Variants in LIN28B observed in about 807,000 individuals in gnomAD.
LIN28B encodes the protein protein lin-28 homolog B.
Under a neutral mutation model 21.9 loss-of-function variants are expected in LIN28B, and 5 were observed. The ratio of observed to expected loss-of-function variants is 0.23; its 90% CI spans 0.12 to 0.48. The LOEUF (loss-of-function observed/expected upper bound fraction) is 0.48. Among genes scored for constraint, LIN28B ranks in the 20% least tolerant of loss-of-function variants. The pLI is 0.98. For missense variants in LIN28B, 245 were observed against 310.5 expected (o/e 0.79, Z 1.58); for synonymous variants, 109 against 111.3 (o/e 0.98, Z 0.13).
chr6:104,941,289 A>G (rs1163817923), intron 2 of LIN28B: 3 of 152,130 alleles, frequency 2.0e-5, no homozygotes, highest in Non-Finnish European at 2.9e-5. Flanking sequence ...TGCTGCCGCT[A>G]AGACGCGGGC....
At chr6:105,003,430 A>G (rs1761367042) in intron 2 of LIN28B, among the ~76,000 whole-genome samples, 1 of 152,226 alleles carries the variant, frequency 6.6e-6, no homozygotes, top group African/African-American at 2.4e-5. Flanking sequence ...GAAGAACTGA[A>G]GAATAAATGG....
chr6:104,947,795 C>T (rs1778174576), intron 2 of LIN28B, among the ~76,000 whole-genome samples: 2 of 147,096 alleles, frequency 1.4e-5, no homozygotes, highest in Admixed American at 6.8e-5. Flanking sequence ...TTTATAAAAG[C>T]CAACCTAGGA....
chr6:104,992,507 TGTGTG>T (rs1562084906), intron 2 of LIN28B, among the ~76,000 whole-genome samples: 10 of 112,786 alleles, frequency 8.9e-5, no homozygotes, highest in African/African-American at 2.9e-4. Context: ...TGTGTGTGTG[TGTGTG>T]TGTTTTTTTT....
In LIN28B at chr6:105,078,689, G is replaced by A; in HGVS notation, c.659G>A (p.Arg220Lys). 3.7e-6 allele frequency: 6 copies of A among 1,614,090 alleles called. No individual in the cohort carries two copies. The highest frequency in any genetic ancestry group is 4.2e-6 in the Non-Finnish European group (5 of 1,180,012). ...GCAGAGATCTCAGAACGGTCAGGCA[G>A]GTCACCTCAAGAAGCTTCCTCCACG... The part of the protein sequence containing the change: ...ARAEISERSG[R>K]SPQEASSTKS... Residue 220 changes from arginine to lysine, a missense_variant, in exon 4 of 4, where the codon AGG becomes AAG. Coordinates refer to ENST00000345080, the MANE Select transcript of LIN28B (RefSeq NM_001004317.4).
intron 3 of LIN28B, among the ~76,000 whole-genome samples, chr6:105,065,783 C>A (rs1772208176): frequency 6.6e-6 from 1 of 152,124 alleles, no homozygotes; most frequent in Non-Finnish European, 1.5e-5. Context: ...AGACCACTGG[C>A]CCTCTATAAA....
chr6:105,026,167 G>C, intron 2 of LIN28B, 131 bp from the exon 3 acceptor site: 1 of 486,652 alleles, frequency 2.1e-6, no homozygotes, highest in Non-Finnish European at 3.5e-6. Flanking sequence ...ATGTTTCACT[G>C]AACTTAAGAC....
chr6:105,052,348 T>A (rs900929428), intron 3 of LIN28B, among the ~76,000 whole-genome samples: 2 of 152,000 alleles, frequency 1.3e-5, no homozygotes. Context: ...ATGAAAAAAA[T>A]TTTTATTGGC....
At chr6:105,027,986 T>C (rs995096667) in intron 3 of LIN28B, among the ~76,000 whole-genome samples, 3 of 152,164 alleles carry the variant, frequency 2.0e-5, no homozygotes, top group Non-Finnish European at 2.9e-5. Context: ...AGTCCATGAA[T>C]GTGTGTGAAA....
intron 2 of LIN28B, among the ~76,000 whole-genome samples, chr6:105,017,346 G>C (rs1771051070): frequency 6.6e-6 from 1 of 152,154 alleles, no homozygotes; most frequent in Non-Finnish European, 1.5e-5. Context: ...TTACTGAATA[G>C]ATTCTCCATA....
intron 2 of LIN28B, among the ~76,000 whole-genome samples, chr6:104,997,748 G>C (rs1770642254): frequency 6.6e-6 from 1 of 152,138 alleles, no homozygotes; most frequent in African/African-American, 2.4e-5. Flanking sequence ...CACATGGCCG[G>C]GTTCATATCC....
chr6:104,958,161 T>A lies in LIN28B; in HGVS notation c.73T>A (p.Ser25Thr). ...GKLPEPAEEESQVLRGTGHCK... is the reference protein window; with the variant it reads ...GKLPEPAEEETQVLRGTGHCK... ...GCTGCCGGAGCCGGCAGAGGAGGAATCCCAGGTTTTGCGCGGAACTGGCCA... is the reference window on the plus strand; with the variant it reads ...GCTGCCGGAGCCGGCAGAGGAGGAAACCCAGGTTTTGCGCGGAACTGGCCA... The change falls in exon 2 of 4, where the codon TCC (serine) becomes ACC (threonine). Residue 25 changes from serine to threonine, a missense_variant. By Grantham distance (58) the Ser-to-Thr change is moderately conservative (BLOSUM62 1). Transcript: ENST00000345080. 1 of 1,607,638 alleles carries A rather than the reference T, an allele frequency of 6.2e-7. No homozygotes were observed. The highest frequency in any genetic ancestry group is 8.5e-7 in the Non-Finnish European group (1 of 1,175,172).
At chr6:104,989,592 T>TTTTTTTTTTG (rs1770419022) in intron 2 of LIN28B, among the ~76,000 whole-genome samples, 1 of 136,078 alleles carries the variant, frequency 7.3e-6, no homozygotes, top group African/African-American at 2.8e-5. Flanking sequence ...TTTTTTTTTT[T>TTTTTTTTTTG]TTTTTTTTTG....
In LIN28B at chr6:105,014,836, A is replaced by G. The variant is rs551171873; in HGVS notation, c.199-11462A>G. ...ATAAATGGTTTTAGCTGCATCCCAC[A>G]AATTTTGATATGTTGTTTTTTATTA... On this transcript the variant is annotated intron_variant, in intron 2 of 3. Transcript: ENST00000345080. Among the ~76,000 whole-genome samples the G allele has an allele frequency of 6.1e-4, 93 of 152,168 alleles. No individual in the cohort carries two copies. In the South Asian group the frequency reaches 0.018, roughly 29 times the overall value.
intron 3 of LIN28B, among the ~76,000 whole-genome samples, chr6:105,076,847 G>A (rs970988046): frequency 2.6e-5 from 4 of 151,718 alleles, no homozygotes; most frequent in African/African-American, 7.3e-5. Context: ...CTCATAATCC[G>A]CCTGTCTCGG....
chr6:104,939,742 A>G (rs1778057292), intron 2 of LIN28B, among the ~76,000 whole-genome samples: 1 of 152,222 alleles, frequency 6.6e-6, no homozygotes, highest in Non-Finnish European at 1.5e-5. Context: ...TAAATTTTTG[A>G]ACAAATTTTT....
intron 2 of LIN28B, among the ~76,000 whole-genome samples, chr6:104,948,027 A>G (rs1212320859): frequency 6.6e-6 from 1 of 152,164 alleles, no homozygotes. Context: ...ACAGTATGAA[A>G]AAGAGCTCTA....
chr6:105,005,582 A>G (rs1159377037), intron 2 of LIN28B, among the ~76,000 whole-genome samples: 1 of 152,080 alleles, frequency 6.6e-6, no homozygotes, highest in Non-Finnish European at 1.5e-5. Flanking sequence ...ATTGAATAAA[A>G]GTGTGTGGCA....
chr6:105,077,994 T>G (rs1562116603), intron 3 of LIN28B, among the ~76,000 whole-genome samples: 1 of 152,236 alleles, frequency 6.6e-6, no homozygotes, highest in Non-Finnish European at 1.5e-5. Context: ...CCACTTTGTA[T>G]CATGCCAACA....
intron 2 of LIN28B, among the ~76,000 whole-genome samples, chr6:104,972,051 G>T (rs933291242): frequency 5.9e-5 from 9 of 152,084 alleles, no homozygotes; most frequent in Non-Finnish European, 1.3e-4. Flanking sequence ...GCTCACTGCA[G>T]CCTCCACCTC....
Sources: allele counts gnomAD v4.1 joint callset (sites outside exome capture counted in the v4.1 genomes callset), GRCh38; gene constraint gnomAD v4.1.1; transcripts MANE v1.5; gene names NCBI Gene and HGNC (gene_info 2026-07-23, HGNC 2026-07-21).